Variants in PLA2R1 observed in about 807,000 individuals in gnomAD.
PLA2R1 encodes the protein secretory phospholipase A2 receptor.
A neutral mutation model predicts 195.9 loss-of-function variants in PLA2R1; 158 were observed. The observed-to-expected ratio is 0.81, with a 90% confidence interval of 0.71 to 0.92. PLA2R1 has a LOEUF of 0.92. Ranked by LOEUF, PLA2R1 falls within the 40% of genes least tolerant of loss-of-function variation. The pLI is 0.00. For synonymous variants in PLA2R1, 586 were observed against 598.2 expected (o/e 0.98, Z 0.30); for missense variants, 1,626 against 1,764.6 (o/e 0.92, Z 1.41).
chr2:160,029,674 T>C (rs1693739713), intron 4 of PLA2R1, among the ~76,000 whole-genome samples: 1 of 152,198 alleles, frequency 6.6e-6, no homozygotes, highest in African/African-American at 2.4e-5. Context: ...ATTAAAGAAT[T>C]ATGGGAATTT....
In PLA2R1 at chr2:160,062,374, C is replaced by T; in HGVS notation, c.30G>A (p.Leu10=). 6.5e-7 allele frequency: 1 copy of T among 1,539,778 alleles called. No individual in the cohort carries two copies. The highest frequency in any genetic ancestry group is 8.8e-7 in the Non-Finnish European group (1 of 1,142,534). The change falls in exon 1 of 30, where the codon CTG becomes CTA. Residue 10 remains leucine (L), a synonymous_variant. Coordinates refer to ENST00000283243, the MANE Select transcript of PLA2R1 (RefSeq NM_007366.5). ...AGCCCCGCGGCGCCCCCAGCAGCAGCAGCAGCAGCAGCGACGGCGACAGCA... is the reference window on the plus strand; with the variant it reads ...AGCCCCGCGGCGCCCCCAGCAGCAGTAGCAGCAGCAGCGACGGCGACAGCA... MLLSPSLLL[L]LLLGAPRGCA...
At chr2:160,012,786 C>T (rs1692453885) in intron 10 of PLA2R1, among the ~76,000 whole-genome samples, 1 of 152,036 alleles carries the variant, frequency 6.6e-6, no homozygotes, top group South Asian at 2.1e-4. Context: ...GTGGCAGGTG[C>T]CTGTAATCCC....
At chr2:160,006,167 G>A (rs1364364519) in intron 10 of PLA2R1, among the ~76,000 whole-genome samples, 1 of 152,150 alleles carries the variant, frequency 6.6e-6, no homozygotes. Context: ...TTGTAATTAG[G>A]CCACACACCA....
In PLA2R1 at chr2:160,022,843, T is replaced by C. The variant is rs781251604; in HGVS notation, c.1116A>G (p.Lys372=). The C allele has an allele frequency of 1.3e-6, 2 of 1,592,112 alleles. No individual in the cohort carries two copies. Among genetic ancestry groups the C allele is most frequent in the Admixed American group, 3.7e-5 (2 of 54,292 alleles). Residue 372 remains lysine (K), a synonymous_variant, in exon 7 of 30, where the codon AAA becomes AAG. Coordinates refer to ENST00000283243, the MANE Select transcript of PLA2R1 (RefSeq NM_007366.5). ...CAGGCTCACAGTGGGTAGCATAATA[T>C]TTCCACGCATCTTTTTCTTTTTAAA... ...DHEIVEKDAW[K]YYATHCEPGW...
Position 159,939,278 on chromosome 2 carries a change from C to T in PLA2R1, c.*2500G>A, listed in dbSNP as rs144403366. 24,634 of 151,612 alleles carry T rather than the reference C, an allele frequency of 0.16. 2,303 individuals carry two copies. Among genetic ancestry groups the T allele is most frequent in the South Asian group, 0.41 (1,970 of 4,806 alleles). The allele number at this position is 151,612 out of a possible 1,614,324, so 9.4% of individuals were successfully genotyped here. On this transcript the variant is annotated 3_prime_UTR_variant, in exon 30 of 30. Coordinates refer to ENST00000283243, the MANE Select transcript of PLA2R1 (RefSeq NM_007366.5). Reference sequence around the variant, plus strand: ...ATCTTAGCACTTTGGGAGGCTGGGGCGGGTGGATCACGAGATCAGGAGATC... The same window carrying T: ...ATCTTAGCACTTTGGGAGGCTGGGGTGGGTGGATCACGAGATCAGGAGATC...
At chr2:160,035,608 T>C (rs947586888) in intron 3 of PLA2R1, among the ~76,000 whole-genome samples, 12 of 152,222 alleles carry the variant, frequency 7.9e-5, no homozygotes, top group Non-Finnish European at 1.8e-4. Context: ...TGCTAAATTA[T>C]GGGCTCCAGG....
chr2:160,028,933 C>T lies in PLA2R1; in HGVS notation c.872G>A (p.Trp291Ter). ...EHMSSKTVEV[W>*]MGLNQLDEHA... Reference sequence around the variant, plus strand: ...TTCATCCAGCTGATTGAGGCCCATCCACACCTCCACTGTTTTACTGCTCAT... The same window carrying T: ...TTCATCCAGCTGATTGAGGCCCATCTACACCTCCACTGTTTTACTGCTCAT... Residue 291 changes from tryptophan to a stop codon, truncating the protein, a stop_gained, in exon 5 of 30, where the codon TGG becomes TAG. Transcript: ENST00000283243. LOFTEE classifies it high-confidence loss of function. 6.2e-7 allele frequency: 1 copy of T among 1,601,842 alleles called. No individual in the cohort carries two copies. Among genetic ancestry groups the T allele is most frequent in the Non-Finnish European group, 8.6e-7 (1 of 1,168,314 alleles).
intron 20 of PLA2R1, among the ~76,000 whole-genome samples, chr2:159,962,141 A>G (rs1446444854): frequency 6.6e-6 from 1 of 152,244 alleles, no homozygotes; most frequent in Non-Finnish European, 1.5e-5. Context: ...TCCATCTGAC[A>G]AAGGTCTAAT....
chr2:160,017,184 G>C (rs1402419236), intron 8 of PLA2R1, among the ~76,000 whole-genome samples: 2 of 152,188 alleles, frequency 1.3e-5, no homozygotes, highest in Non-Finnish European at 2.9e-5. Context: ...AGATGGGATA[G>C]AGCCATGGTT....
intron 19 of PLA2R1, 120 bp from the exon 20 acceptor site, chr2:159,967,798 G>C (rs1688886639): frequency 1.3e-6 from 1 of 797,504 alleles, no homozygotes; most frequent in Non-Finnish European, 1.8e-6. Flanking sequence ...TTAAAATCTA[G>C]AAACTGAACT....
intron 10 of PLA2R1, 123 bp from the exon 11 acceptor site, chr2:160,005,944 A>G (rs1420028068): frequency 1.4e-6 from 1 of 699,868 alleles, no homozygotes; most frequent in East Asian, 2.5e-5. Flanking sequence ...TCTTTAGAAC[A>G]TGGAACAGGA....
rs982062491 is a variant in PLA2R1, at chr2:160,062,614, C to G, written c.-211G>C. 3 of 885,432 alleles carry G rather than the reference C, an allele frequency of 3.4e-6. No homozygotes were observed. Among genetic ancestry groups the G allele is most frequent in the Non-Finnish European group, 4.7e-6 (3 of 642,620 alleles). 54.8% of individuals were successfully genotyped at this position (885,432 alleles called of 1,614,324 possible). On this transcript the variant is annotated 5_prime_UTR_variant, in exon 1 of 30. Coordinates refer to ENST00000283243, the MANE Select transcript of PLA2R1 (RefSeq NM_007366.5). ...CCACAGTGAACCGACACTCGGGGCT[C>G]TGGGCTGGGATGCGGGAAAGTCGCG...
chr2:160,014,864 G>A (rs1269953331), intron 9 of PLA2R1, among the ~76,000 whole-genome samples: 1 of 152,144 alleles, frequency 6.6e-6, no homozygotes, highest in Non-Finnish European at 1.5e-5. Context: ...CATCCCTCCA[G>A]GGTAGGAGCA....
chr2:159,928,733 A>G (rs1686533178), downstream of PLA2R1, among the ~76,000 whole-genome samples: 1 of 152,262 alleles, frequency 6.6e-6, no homozygotes, highest in Non-Finnish European at 1.5e-5. Context: ...ATCTGGAAGC[A>G]TCACATTATC....
Position 159,987,279 on chromosome 2 carries a change from C to A in PLA2R1, c.1914G>T (p.Lys638Asn). 1 of 1,613,206 alleles carries A rather than the reference C, an allele frequency of 6.2e-7. No individual in the cohort carries two copies. The change falls in exon 12 of 30, where the codon AAG (lysine) becomes AAT (asparagine). Residue 638 changes from lysine (K) to asparagine (N), a missense_variant. Lys to Asn is a moderately conservative substitution (Grantham distance 94, BLOSUM62 0). Coordinates refer to ENST00000283243, the MANE Select transcript of PLA2R1 (RefSeq NM_007366.5). ...RWEVKHCRHF[K>N]AMSLCKQPVE... ...CTGGCTGCTTGCACAAGGACATTGC[C>A]TTAAAGTGCCGACAGTGCTTCACTT...
rs1212383940 is a variant in PLA2R1 at position 159,938,305 on chromosome 2, A to G, written c.*3473T>C. The G allele has an allele frequency of 6.6e-6, 1 of 152,292 alleles. No homozygotes were observed. The highest frequency in any genetic ancestry group is 1.9e-4 in the East Asian group (1 of 5,204). The allele number at this position is 152,292 out of a possible 1,614,324, so 9.4% of individuals were successfully genotyped here. A position where few individuals can be genotyped will look rare whatever the true frequency, so the allele number is the denominator to read the frequency against. Reference sequence around the variant, plus strand: ...GGCTATATAGGAGAAGCATGGACCCATGAATGACTGAACAGAGCAAAGTCC... The same window carrying G: ...GGCTATATAGGAGAAGCATGGACCCGTGAATGACTGAACAGAGCAAAGTCC... On this transcript the variant is annotated 3_prime_UTR_variant, in exon 30 of 30. Transcript: ENST00000283243.
At position 160,025,454 on chromosome 2, in the gene PLA2R1, C is replaced by T. The variant is rs147797062; in HGVS notation, c.1100-2595G>A. Reference sequence around the variant, plus strand: ...GCACGATATTAAAAGATGTAAATAGCGACATCAAAATTTTAACTATTGGGG... The same window carrying T: ...GCACGATATTAAAAGATGTAAATAGTGACATCAAAATTTTAACTATTGGGG... On this transcript the variant is annotated intron_variant, in intron 6 of 29. Coordinates refer to ENST00000283243, the MANE Select transcript of PLA2R1 (RefSeq NM_007366.5). Among the ~76,000 whole-genome samples the T allele has an allele frequency of 3.3e-3, 497 of 151,794 alleles. 3 individuals carry two copies. In the East Asian group the frequency reaches 0.039, roughly 12 times the overall value.
chr2:160,023,906 C>T (rs1693324106), intron 6 of PLA2R1, among the ~76,000 whole-genome samples: 1 of 150,374 alleles, frequency 6.7e-6, no homozygotes, highest in Non-Finnish European at 1.5e-5. Context: ...CCATCTCCCC[C>T]AACCCCCGTT....
chr2:159,959,609 T>C (rs1688305860), intron 20 of PLA2R1, among the ~76,000 whole-genome samples: 1 of 152,192 alleles, frequency 6.6e-6, no homozygotes, highest in Admixed American at 6.6e-5. Flanking sequence ...AATATAAAAT[T>C]CTTTTTTGTC....
Sources: allele counts gnomAD v4.1 joint callset (sites outside exome capture counted in the v4.1 genomes callset), GRCh38; gene constraint gnomAD v4.1.1; transcripts MANE v1.5; gene names NCBI Gene and HGNC (gene_info 2026-07-23, HGNC 2026-07-21).